Variants in SASH1 observed in about 807,000 individuals in gnomAD.
The protein encoded by SASH1 is SAM and SH3 domain containing 1.
SASH1 carries 44 observed loss-of-function variants against 125.2 expected under a neutral mutation model. That is an observed-to-expected ratio of 0.35 (90% CI 0.28 to 0.45). The LOEUF is 0.45. SASH1 is among the 20% of genes least tolerant of loss of function. The probability of loss-of-function intolerance (pLI) is 1.00; values close to 1 mark genes in which losing one functional copy is unlikely to be tolerated. For synonymous variants in SASH1, 639 were observed against 649.1 expected (o/e 0.98, Z 0.24); for missense variants, 1,426 against 1,614.5 (o/e 0.88, Z 2.00).
intron 11 of SASH1, chr6:148,527,187 T>G: frequency 3.1e-6 from 1 of 318,698 alleles, no homozygotes; most frequent in Non-Finnish European, 5.6e-6. Context: ...TTAAAAATAG[T>G]GGAAAAAATG....
At chr6:148,504,068 T>A (rs1469234170) in intron 8 of SASH1, among the ~76,000 whole-genome samples, 1 of 152,200 alleles carries the variant, frequency 6.6e-6, no homozygotes, top group Non-Finnish European at 1.5e-5. Context: ...GCAATGCCAA[T>A]ATATGTGTGA....
At chr6:148,448,717 G>A (rs970114239) in intron 4 of SASH1, among the ~76,000 whole-genome samples, 3 of 152,090 alleles carry the variant, frequency 2.0e-5, no homozygotes, top group African/African-American at 7.2e-5. Context: ...TAACTCTCTC[G>A]CTCTGACCTT....
intron 4 of SASH1, among the ~76,000 whole-genome samples, chr6:148,444,566 A>G (rs1490628082): frequency 6.6e-6 from 1 of 152,192 alleles, no homozygotes; most frequent in Non-Finnish European, 1.5e-5. Flanking sequence ...TGGGGTCCCC[A>G]TTCATCCTTA....
chr6:148,430,363 G>A (rs189761968), intron 2 of SASH1, among the ~76,000 whole-genome samples: 76 of 152,298 alleles, frequency 5.0e-4, no homozygotes, highest in African/African-American at 1.5e-3. Flanking sequence ...TCAGAGTCTC[G>A]CTCTGTCACC....
intron 7 of SASH1, among the ~76,000 whole-genome samples, chr6:148,475,673 A>G (rs1246693958): frequency 6.6e-6 from 1 of 152,208 alleles, no homozygotes; most frequent in Non-Finnish European, 1.5e-5. Context: ...GTGGAACCTT[A>G]AAGGTCTGAA....
At chr6:148,438,162 C>T (rs373935732) in intron 2 of SASH1, among the ~76,000 whole-genome samples, 31 of 152,278 alleles carry the variant, frequency 2.0e-4, no homozygotes, top group African/African-American at 7.5e-4. Flanking sequence ...TTCAGACAAA[C>T]TAACAGTTTA....
At chr6:148,331,693 A>G (rs1780999180) in intron 1 of SASH1, among the ~76,000 whole-genome samples, 1 of 152,130 alleles carries the variant, frequency 6.6e-6, no homozygotes, top group South Asian at 2.1e-4. Context: ...CTATCAGAGT[A>G]GAATAAAACA....
intron 15 of SASH1, 127 bp downstream of exon 15, chr6:148,534,107 G>A (rs1010987512): frequency 3.0e-5 from 21 of 710,358 alleles, no homozygotes; most frequent in Non-Finnish European, 3.8e-5. Flanking sequence ...AGGGCAGCTC[G>A]TTACTATGAT....
Position 148,360,366 on chromosome 6 carries a change from G to A in SASH1, c.156+17143G>A, listed in dbSNP as rs575549966. Among the ~76,000 whole-genome samples the A allele has an allele frequency of 4.0e-3, 502 of 125,728 alleles. 8 individuals carry two copies. Among genetic ancestry groups the A allele is most frequent in the African/African-American group, 0.014 (473 of 33,950 alleles). The allele number at this position is 125,728 out of a possible 152,430, so 82.5% of individuals were successfully genotyped here. A position where few individuals can be genotyped will look rare whatever the true frequency, so the allele number is the denominator to read the frequency against. On this transcript the variant is annotated intron_variant, in intron 1 of 19. Transcript: ENST00000367467. ...GCCTTTGTTTTTTTTTTTTTTTTTC[G>A]AGACAGAGTCTTGCTCTGTTGCCCT...
chr6:148,338,866 G>C (rs185111799), upstream of SASH1, among the ~76,000 whole-genome samples: 1 of 152,084 alleles, frequency 6.6e-6, no homozygotes. Context: ...TTAGCCGGGC[G>C]TGGTGGCAGG....
At chr6:148,468,375 A>G (rs1745238426) in intron 4 of SASH1, among the ~76,000 whole-genome samples, 170 bp from the exon 5 acceptor site, 1 of 152,206 alleles carries the variant, frequency 6.6e-6, no homozygotes, top group South Asian at 2.1e-4. Context: ...ACACGAGTCT[A>G]TTTCTAGGAA....
the SASH1 span, among the ~76,000 whole-genome samples, chr6:148,196,721 A>T: frequency 6.6e-6 from 1 of 152,238 alleles, no homozygotes; most frequent in Non-Finnish European, 1.5e-5. Flanking sequence ...TAAGACAAAC[A>T]TCCATGAAAC....
intron 1 of SASH1, among the ~76,000 whole-genome samples, chr6:148,290,778 T>C (rs1405445618): frequency 6.7e-6 from 1 of 149,238 alleles, no homozygotes; most frequent in Non-Finnish European, 1.5e-5. Flanking sequence ...CAGAGACCTT[T>C]GTTCATGTTT....
intron 2 of SASH1, among the ~76,000 whole-genome samples, chr6:148,434,469 C>A (rs577294166): frequency 1.2e-4 from 18 of 152,182 alleles, no homozygotes; most frequent in African/African-American, 4.3e-4. Flanking sequence ...ATACTCTCAG[C>A]GTTTTTTTTC....
chr6:148,307,023 CT>C (rs1207823197), intron 1 of SASH1, among the ~76,000 whole-genome samples: 2 of 140,570 alleles, frequency 1.4e-5, no homozygotes, highest in Admixed American at 7.3e-5. Flanking sequence ...CTTTCTCTTT[CT>C]TTTCTTTCTT....
intron 4 of SASH1, among the ~76,000 whole-genome samples, chr6:148,442,362 A>C (rs1304529668): frequency 2.6e-5 from 4 of 152,114 alleles, no homozygotes; most frequent in Admixed American, 2.6e-4. Context: ...AGTTGTGATC[A>C]TGCTTGGGTG....
At chr6:148,269,515 G>A (rs1468612689), upstream of SASH1, among the ~76,000 whole-genome samples, 2 of 152,182 alleles carry the variant, frequency 1.3e-5, no homozygotes, top group African/African-American at 4.8e-5. Flanking sequence ...GCCTCGCAAA[G>A]TGCTGGGATT....
chr6:148,523,025 G>A (rs1780909311), intron 10 of SASH1, among the ~76,000 whole-genome samples: 1 of 152,160 alleles, frequency 6.6e-6, no homozygotes, highest in South Asian at 2.1e-4. Flanking sequence ...AAGAAAACTG[G>A]TCCATTCTTT....
intron 8 of SASH1, among the ~76,000 whole-genome samples, chr6:148,511,618 G>A (rs1201974764): frequency 1.3e-5 from 2 of 152,088 alleles, no homozygotes; most frequent in African/African-American, 2.4e-5. Context: ...AAAATAAATG[G>A]AACATGTGAA....
Sources: gnomAD v4.1 joint callset for allele counts (sites outside exome capture counted in the v4.1 genomes callset) on GRCh38, gnomAD v4.1.1 for gene constraint, MANE v1.5 for transcripts, NCBI Gene and HGNC (gene_info 2026-07-23, HGNC 2026-07-21) for gene names.